The following NRXN3 variants were observed in gnomAD, a reference collection of about 807,000 sequenced individuals.
The protein encoded by NRXN3 is neurexin III.
NRXN3 carries 32 observed loss-of-function variants against 137.6 expected under a neutral mutation model. The ratio of observed to expected loss-of-function variants is 0.23; its 90% CI spans 0.18 to 0.31. NRXN3 has a LOEUF of 0.31. NRXN3 is among the 10% of genes least tolerant of loss of function. The pLI is 1.00. For synonymous variants in NRXN3, 798 were observed against 784.5 expected (o/e 1.02, Z -0.29); for missense variants, 1,574 against 2,062.5 (o/e 0.76, Z 4.59).
intron 15 of NRXN3, among the ~76,000 whole-genome samples, chr14:79,368,614 G>A (rs2093982884): frequency 6.6e-6 from 1 of 152,082 alleles, no homozygotes; most frequent in African/African-American, 2.4e-5. Flanking sequence ...GAGTTAATTT[G>A]TGTACTCTAC....
At chr14:79,116,761 T>C (rs2054515465) in intron 15 of NRXN3, among the ~76,000 whole-genome samples, 1 of 152,214 alleles carries the variant, frequency 6.6e-6, no homozygotes. Flanking sequence ...TTTGGGAGAC[T>C]TCATTTCCAC....
intron 4 of NRXN3, among the ~76,000 whole-genome samples, chr14:78,452,572 T>C (rs1202355510): frequency 1.3e-5 from 2 of 152,214 alleles, no homozygotes; most frequent in Non-Finnish European, 2.9e-5. Flanking sequence ...TTATTATCTC[T>C]CAAGGCAGCT....
intron 1 of NRXN3, among the ~76,000 whole-genome samples, chr14:78,195,253 A>G (rs2061122201): frequency 6.6e-6 from 1 of 152,166 alleles, no homozygotes; most frequent in African/African-American, 2.4e-5. Flanking sequence ...GGTGTCATCC[A>G]TTTGTTTCTT....
At chr14:79,550,459 A>G (rs1417289297) in intron 16 of NRXN3, among the ~76,000 whole-genome samples, 4 of 152,238 alleles carry the variant, frequency 2.6e-5, no homozygotes, top group East Asian at 1.9e-4. Flanking sequence ...TGTGTCTTTC[A>G]TTAAACTGTA....
At chr14:78,255,581 G>A (rs1354401140) in intron 2 of NRXN3, among the ~76,000 whole-genome samples, 7 of 152,182 alleles carry the variant, frequency 4.6e-5, no homozygotes, top group African/African-American at 7.2e-5. Context: ...TGCAAGTTGC[G>A]ATTGCTCAAC....
At chr14:78,499,728 G>C (rs2095849514) in intron 4 of NRXN3, among the ~76,000 whole-genome samples, 1 of 152,122 alleles carries the variant, frequency 6.6e-6, no homozygotes, top group African/African-American at 2.4e-5. Flanking sequence ...AGTTCACCTG[G>C]TTGTAAGCAC....
intron 16 of NRXN3, among the ~76,000 whole-genome samples, chr14:79,471,670 A>G (rs570523737): frequency 6.6e-6 from 1 of 152,286 alleles, no homozygotes; most frequent in South Asian, 2.1e-4. Context: ...GAAAGGAAGA[A>G]AAGTGGCCAT....
intron 15 of NRXN3, among the ~76,000 whole-genome samples, chr14:79,163,030 C>A (rs1452264912): frequency 1.3e-5 from 2 of 151,776 alleles, no homozygotes; most frequent in South Asian, 2.1e-4. Context: ...TGAATTAACT[C>A]TTGAGTCAGC....
chr14:79,836,070 G>A (rs1256504202), intron 20 of NRXN3, among the ~76,000 whole-genome samples: 2 of 152,130 alleles, frequency 1.3e-5, no homozygotes, highest in Non-Finnish European at 2.9e-5. Context: ...CATCATTAGG[G>A]TACAATGTTT....
intron 10 of NRXN3, among the ~76,000 whole-genome samples, chr14:78,894,060 T>C (rs1395761967): frequency 6.6e-6 from 1 of 151,982 alleles, no homozygotes; most frequent in Admixed American, 6.6e-5. Context: ...GCCTTGATAT[T>C]GACGGCTGCT....
At chr14:79,448,698 C>G (rs1297465060) in intron 15 of NRXN3, among the ~76,000 whole-genome samples, 1 of 152,134 alleles carries the variant, frequency 6.6e-6, no homozygotes, top group Non-Finnish European at 1.5e-5. Flanking sequence ...TATAGAGCAA[C>G]CTGTGTCTGT....
intron 15 of NRXN3, among the ~76,000 whole-genome samples, chr14:79,345,724 C>G (rs567756628): frequency 6.6e-6 from 1 of 152,238 alleles, no homozygotes; most frequent in African/African-American, 2.4e-5. Context: ...CACCTCCCTC[C>G]TTTGCTTTCT....
chr14:79,441,657 G>C (rs2095960246), intron 15 of NRXN3, among the ~76,000 whole-genome samples: 1 of 151,916 alleles, frequency 6.6e-6, no homozygotes, highest in African/African-American at 2.4e-5. Flanking sequence ...TGGGATTACA[G>C]GCGTGAGCCA....
chr14:79,828,651 CTTTTTT>C (rs199609069), intron 20 of NRXN3, among the ~76,000 whole-genome samples: 1 of 110,706 alleles, frequency 9.0e-6, no homozygotes, highest in Non-Finnish European at 1.7e-5. Flanking sequence ...GTAAAATTGT[CTTTTTT>C]TTTTTTTTTG....
At chr14:79,391,293 A>G (rs892561967) in intron 15 of NRXN3, among the ~76,000 whole-genome samples, 2 of 152,334 alleles carry the variant, frequency 1.3e-5, no homozygotes, top group African/African-American at 4.8e-5. Context: ...TTTGAGAGGC[A>G]GCTTTCTGAA....
chr14:79,735,334 C>T (rs568549507), intron 19 of NRXN3, among the ~76,000 whole-genome samples: 38 of 152,244 alleles, frequency 2.5e-4, no homozygotes, highest in South Asian at 2.1e-3. Context: ...TCAATTGTTA[C>T]GCAAGACTAA....
chr14:78,302,450 GC>G (rs2076966684), intron 4 of NRXN3, among the ~76,000 whole-genome samples: 2 of 152,022 alleles, frequency 1.3e-5, no homozygotes, highest in Admixed American at 1.3e-4. Flanking sequence ...GATAACATAA[GC>G]CAATGACTAC....
intron 4 of NRXN3, among the ~76,000 whole-genome samples, chr14:78,303,874 C>A (rs994406035): frequency 2.0e-5 from 3 of 152,148 alleles, no homozygotes; most frequent in African/African-American, 7.2e-5. Context: ...CACTCCCCAA[C>A]ACCTGTCCCA....
chr14:79,384,215 T>C (rs1293545533), intron 15 of NRXN3, among the ~76,000 whole-genome samples: 3 of 152,066 alleles, frequency 2.0e-5, no homozygotes, highest in Admixed American at 6.6e-5. Flanking sequence ...ATCTGCCCTT[T>C]AAGAGGTTTC....
Sources: allele counts gnomAD v4.1 joint callset (sites outside exome capture counted in the v4.1 genomes callset), GRCh38; gene constraint gnomAD v4.1.1; transcripts MANE v1.5; gene names NCBI Gene and HGNC (gene_info 2026-07-23, HGNC 2026-07-21).